UNC80: variants seen among roughly 807,000 people sequenced by gnomAD.
UNC80 encodes unc-80 subunit of NALCN channel complex.
In UNC80, 164 loss-of-function variants were observed where a neutral mutation model predicts 384.6. That is an observed-to-expected ratio of 0.43 (90% CI 0.38 to 0.49). UNC80 has a LOEUF of 0.49. Ranked by LOEUF, UNC80 falls within the 20% of genes least tolerant of loss-of-function variation. The pLI, the probability that UNC80 is intolerant of heterozygous loss-of-function variation, is 0.00. For missense variants in UNC80, 3,330 were observed against 4,143.0 expected (o/e 0.80, Z 5.39); for synonymous variants, 1,486 against 1,527.8 (o/e 0.97, Z 0.64).
At chr2:209,878,126 G>T in intron 24 of UNC80, 37 bp downstream of exon 24, 1 of 1,487,664 alleles carries the variant, frequency 6.7e-7, no homozygotes, top group Non-Finnish European at 8.9e-7. Context: ...ACCCCTGCTT[G>T]TAAGAACCTC....
At chr2:209,890,274 A>T (rs2086209021) in intron 26 of UNC80, among the ~76,000 whole-genome samples, 1 of 152,138 alleles carries the variant, frequency 6.6e-6, no homozygotes, top group South Asian at 2.1e-4. Flanking sequence ...ATGGATTCAT[A>T]AAAAAAGTAA....
At chr2:209,959,063 C>G (rs1437599692) in intron 49 of UNC80, 56 bp from the exon 50 acceptor site, 5 of 1,506,888 alleles carry the variant, frequency 3.3e-6, no homozygotes, top group Admixed American at 2.0e-5. Context: ...GAAGCCCCAA[C>G]CAAAGGACCC....
intron 18 of UNC80, among the ~76,000 whole-genome samples, chr2:209,838,533 GGGTGT>G (rs1435550414): frequency 2.0e-5 from 3 of 152,102 alleles, no homozygotes; most frequent in Non-Finnish European, 4.4e-5. Context: ...TGCATTTCCC[GGGTGT>G]GGTGTGATGG....
intron 7 of UNC80, among the ~76,000 whole-genome samples, chr2:209,810,915 T>G (rs1213264835): frequency 6.6e-6 from 1 of 152,108 alleles, no homozygotes; most frequent in Non-Finnish European, 1.5e-5. Context: ...CTTTGTCTTT[T>G]GTTTATAAAT....
intron 58 of UNC80, among the ~76,000 whole-genome samples, chr2:209,977,763 GCTTT>G (rs1374389889): frequency 2.0e-5 from 3 of 152,244 alleles, no homozygotes; most frequent in South Asian, 4.1e-4. Context: ...AGAGTACATT[GCTTT>G]CTTTCTTATA....
At chr2:209,899,164 C>T (rs750577805) in intron 28 of UNC80, among the ~76,000 whole-genome samples, 12 of 152,066 alleles carry the variant, frequency 7.9e-5, no homozygotes, top group Non-Finnish European at 1.6e-4. Context: ...TGGTCCTGCT[C>T]CTAAAATGCC....
At chr2:209,917,240 A>G (rs1172452461) in intron 31 of UNC80, among the ~76,000 whole-genome samples, 2 of 152,154 alleles carry the variant, frequency 1.3e-5, no homozygotes, top group African/African-American at 4.8e-5. Flanking sequence ...CTGGCCTTTC[A>G]CTTACTGATA....
At chr2:209,787,829 C>T (rs2077539103) in intron 5 of UNC80, among the ~76,000 whole-genome samples, 3 of 152,300 alleles carry the variant, frequency 2.0e-5, no homozygotes, top group Non-Finnish European at 4.4e-5. Flanking sequence ...ATTTCTTCTA[C>T]TCCTACTACC....
intron 16 of UNC80, 98 bp downstream of exon 16, chr2:209,831,689 A>C: frequency 1.5e-6 from 2 of 1,302,358 alleles, no homozygotes; most frequent in Non-Finnish European, 1.0e-6. Flanking sequence ...TGAAATCTAA[A>C]AGTCTACACT....
chr2:209,979,022 GTGGAT>G (rs2093086197), intron 59 of UNC80, among the ~76,000 whole-genome samples: 1 of 152,216 alleles, frequency 6.6e-6, no homozygotes, highest in Non-Finnish European at 1.5e-5. Context: ...GCCGAGGCGG[GTGGAT>G]CACCTGAGGT....
chr2:209,868,706 A>G (rs2084041612), intron 22 of UNC80, among the ~76,000 whole-genome samples: 2 of 152,220 alleles, frequency 1.3e-5, no homozygotes, highest in Non-Finnish European at 2.9e-5. Context: ...AATGACATTC[A>G]TTAGACTTTT....
At chr2:209,920,911 T>G (rs1187986321) in intron 33 of UNC80, among the ~76,000 whole-genome samples, 5 of 151,732 alleles carry the variant, frequency 3.3e-5, no homozygotes, top group Admixed American at 6.6e-5. Context: ...CACTGCAACC[T>G]CTGCCTCCTG....
chr2:209,942,535 A>G (rs1379390061), intron 44 of UNC80, among the ~76,000 whole-genome samples: 2 of 152,206 alleles, frequency 1.3e-5, no homozygotes, highest in Non-Finnish European at 2.9e-5. Context: ...AAAATCAGGC[A>G]GGGCCCAGGG....
rs1052262085 is a variant in UNC80 at position 209,872,741 on chromosome 2, T to C, written c.3628-17T>C. 1.5e-5 allele frequency: 23 copies of C among 1,549,734 alleles called. No individual in the cohort carries two copies. Among genetic ancestry groups the C allele is most frequent in the Non-Finnish European group, 1.9e-5 (22 of 1,145,284 alleles). On this transcript the variant is annotated splice_polypyrimidine_tract_variant and intron_variant, in intron 22 of 64. Coordinates refer to ENST00000673920, the MANE Select transcript of UNC80 (RefSeq NM_001371986.1). This position sits in a 1 kb window ranked among gnomAD's most constrained non-coding sequence, Gnocchi z 4.1. ...TCATTAATCCCACATTATTCTTTCCTAAACAACCCTACACAGGAAGCCCCT... is the reference window on the plus strand; with the variant it reads ...TCATTAATCCCACATTATTCTTTCCCAAACAACCCTACACAGGAAGCCCCT...
chr2:209,859,730 A>G (rs950875167), intron 22 of UNC80, among the ~76,000 whole-genome samples: 1 of 152,162 alleles, frequency 6.6e-6, no homozygotes, highest in Non-Finnish European at 1.5e-5. Context: ...CACTCTGACC[A>G]GCATGAGATG....
chr2:209,863,541 C>A (rs995640789), intron 22 of UNC80, among the ~76,000 whole-genome samples: 1 of 151,954 alleles, frequency 6.6e-6, no homozygotes, highest in East Asian at 1.9e-4. Context: ...CCTTTTCATT[C>A]TTTTTTTCTG....
At chr2:209,883,151 G>A (rs1013861396) in intron 25 of UNC80, among the ~76,000 whole-genome samples, 1 of 152,122 alleles carries the variant, frequency 6.6e-6, no homozygotes, top group Non-Finnish European at 1.5e-5. Context: ...TGGTAGTAAA[G>A]AAAACTCAAG....
At chr2:209,893,522 C>T (rs989624735) in intron 26 of UNC80, among the ~76,000 whole-genome samples, 2 of 151,996 alleles carry the variant, frequency 1.3e-5, no homozygotes, top group African/African-American at 2.4e-5. Context: ...AAGTTTGGCT[C>T]GGGGGGGTTG....
intron 4 of UNC80, among the ~76,000 whole-genome samples, chr2:209,779,672 G>T (rs773746460): frequency 9.9e-5 from 15 of 152,148 alleles, no homozygotes; most frequent in Non-Finnish European, 1.9e-4. Context: ...TTTAATGACT[G>T]ACACACTGAG....
Sources: gnomAD v4.1 joint callset for allele counts (sites outside exome capture counted in the v4.1 genomes callset) on GRCh38, gnomAD v4.1.1 for gene constraint, Gnocchi (gnomAD v3.1) non-coding constraint, MANE v1.5 for transcripts, NCBI Gene and HGNC (gene_info 2026-07-23, HGNC 2026-07-21) for gene names.